The following HSPG2 variants were observed in gnomAD, a reference collection of about 807,000 sequenced individuals.
HSPG2 encodes heparan sulfate proteoglycan 2, also known as basement membrane-specific heparan sulfate proteoglycan core protein.
A neutral mutation model predicts 526.6 loss-of-function variants in HSPG2; 278 were observed. The ratio of observed to expected loss-of-function variants is 0.53; its 90% CI spans 0.48 to 0.58. The LOEUF (loss-of-function observed/expected upper bound fraction) is 0.58, where lower values mean the gene tolerates loss of function less well. HSPG2 is among the 20% of genes least tolerant of loss of function. The probability of loss-of-function intolerance (pLI) is 0.00; values close to 1 mark genes in which losing one functional copy is unlikely to be tolerated. For synonymous variants in HSPG2, 2,465 were observed against 2,555.4 expected, an observed-to-expected ratio of 0.96 and a Z score of 1.07; for missense variants, 5,354 against 6,099.5, an observed-to-expected ratio of 0.88 and a Z score of 4.07.
Position 21,847,728 on chromosome 1 carries a change from T to G in HSPG2, c.7986A>C (p.Thr2662=). 1 of 1,612,420 alleles carries G rather than the reference T, an allele frequency of 6.2e-7. No homozygotes were observed. The change falls in exon 61 of 97, where the codon ACA becomes ACC. Residue 2662 remains threonine, a synonymous_variant. Coordinates refer to ENST00000374695, the MANE Select transcript of HSPG2 (RefSeq NM_005529.7). The surrounding 1 kb of genome is among the most constrained non-coding windows in gnomAD (Gnocchi z 4.1). The part of the protein sequence containing the change: ...VVARQPQAII[T]WYKRGGSLPS... The stretch of plus-strand genomic sequence containing the variant: ...GAAGGCTGCCCCCACGCTTGTACCA[T>G]GTGATGATAGCCTGGGGCTGCCTGG...
At chr1:21,836,043 G>A (rs1390637986) in intron 75 of HSPG2, among the ~76,000 whole-genome samples, 2 of 149,302 alleles carry the variant, frequency 1.3e-5, no homozygotes, top group African/African-American at 2.5e-5. Context: ...AACTGATGTA[G>A]AACAGCACGC....
chr1:21,828,940 C>T lies in HSPG2; in HGVS notation c.12132G>A (p.Gln4044=). The T allele has an allele frequency of 6.4e-7, 1 of 1,573,836 alleles. No individual in the cohort carries two copies. The highest frequency in any genetic ancestry group is 8.6e-7 in the Non-Finnish European group (1 of 1,159,786). Reference sequence around the variant, plus strand: ...AGAGCAGGGTGTGCAGGTTGAGGCCCTGGCTCTTGCCGGGCGAGGAGCGCA... The same window carrying T: ...AGAGCAGGGTGTGCAGGTTGAGGCCTTGGCTCTTGCCGGGCGAGGAGCGCA... ...PVLRSSPGKS[Q]GLNLHTLLYL... The change falls in exon 88 of 97, where the codon CAG becomes CAA. Residue 4044 remains glutamine (Q), a synonymous_variant. Transcript: ENST00000374695. The surrounding 1 kb of genome is among the most constrained non-coding windows in gnomAD (Gnocchi z 6.0).
At chr1:21,934,657 G>A (rs956968958) in intron 1 of HSPG2, among the ~76,000 whole-genome samples, 114 of 151,788 alleles carry the variant, frequency 7.5e-4, no homozygotes, top group Non-Finnish European at 1.2e-3. Flanking sequence ...GTGCAGTGGC[G>A]CGATCTCGGC....
Position 21,887,166 on chromosome 1 carries a change from G to T in HSPG2, c.1078+49C>A, listed in dbSNP as rs1323430090. 2 of 1,467,502 alleles carry T rather than the reference G, an allele frequency of 1.4e-6. No homozygotes were observed. The highest frequency in any genetic ancestry group is 1.9e-6 in the Non-Finnish European group (2 of 1,072,726). 90.9% of individuals were successfully genotyped at this position (1,467,502 alleles called of 1,614,324 possible). The stretch of plus-strand genomic sequence containing the variant: ...GGAGTGGAAGGCGGGGCAGGAGCAA[G>T]CGGCCTGGGCAGGGCAAGGGGGCCT... On this transcript the variant is annotated intron_variant, in intron 9 of 96. Coordinates refer to ENST00000374695, the MANE Select transcript of HSPG2 (RefSeq NM_005529.7). The surrounding 1 kb of genome is among the most constrained non-coding windows in gnomAD (Gnocchi z 5.0).
At position 21,872,723 on chromosome 1, in the gene HSPG2, GGCCGGCAGT is replaced by G. The variant is rs1178564578; in HGVS notation, c.3917_3925del (p.His1306_Arg1308del). On this transcript the variant is annotated inframe_deletion, in exon 32 of 97. Coordinates refer to ENST00000374695, the MANE Select transcript of HSPG2 (RefSeq NM_005529.7). This position sits in a 1 kb window ranked among gnomAD's most constrained non-coding sequence, Gnocchi z 5.5. ...GCTGGCACTCAGGTGGAAGTGGTGG[GGCCGGCAGT>G]GGCTGCAAGTGAGGCCTTCCACCTG... 6.2e-7 allele frequency: 1 copy of G among 1,609,446 alleles called. No individual in the cohort carries two copies. Among genetic ancestry groups the G allele is most frequent in the Non-Finnish European group, 8.5e-7 (1 of 1,178,700 alleles).
At position 21,847,491 on chromosome 1, in the gene HSPG2, G is replaced by A. The variant is rs1202979988; in HGVS notation, c.8027C>T (p.Thr2676Ile). The change falls in exon 62 of 97, where the codon ACC (threonine) becomes ATC (isoleucine). Residue 2676 changes from threonine (T) to isoleucine (I), a missense_variant and splice_region_variant. Coordinates refer to ENST00000374695, the MANE Select transcript of HSPG2 (RefSeq NM_005529.7). The surrounding 1 kb of genome is among the most constrained non-coding windows in gnomAD (Gnocchi z 4.1). ...GTGCAACCGCAGGTGGGAGCCATGG[G>A]TCTGGACGTGCGGATGGGGAAGGAG... The part of the protein sequence containing the change: ...RGGSLPSRHQ[T>I]HGSHLRLHQM... 8 of 1,613,808 alleles carry A rather than the reference G, an allele frequency of 5.0e-6. No homozygotes were observed. Among genetic ancestry groups the A allele is most frequent in the Non-Finnish European group, 6.8e-6 (8 of 1,179,990 alleles).
In HSPG2 at chr1:21,872,512, G is replaced by T; in HGVS notation, c.4029+108C>A. The T allele has an allele frequency of 7.0e-7, 1 of 1,430,966 alleles. No homozygotes were observed. Among genetic ancestry groups the T allele is most frequent in the Non-Finnish European group, 9.6e-7 (1 of 1,039,344 alleles). The allele number at this position is 1,430,966 out of a possible 1,614,324, so 88.6% of individuals were successfully genotyped here. ...ACTGCGAGAGAAATAATGGGGGCAT[G>T]TGAGGGTACTGAGGCGGGGATGAGG... On this transcript the variant is annotated intron_variant, in intron 32 of 96. Coordinates refer to ENST00000374695, the MANE Select transcript of HSPG2 (RefSeq NM_005529.7). This position sits in a 1 kb window ranked among gnomAD's most constrained non-coding sequence, Gnocchi z 5.5.
In HSPG2 at chr1:21,851,542, A is replaced by G; in HGVS notation, c.7158+4T>C. 6.2e-7 allele frequency: 1 copy of G among 1,613,760 alleles called. No individual in the cohort carries two copies. Among genetic ancestry groups the G allele is most frequent in the Non-Finnish European group, 8.5e-7 (1 of 1,180,024 alleles). ...CTTGGCCTGTCTGTCCTCCAGTCCC[A>G]TACCTGGTGCCGGACAGGGAGGCTG... On this transcript the variant is annotated splice_donor_region_variant and intron_variant, in intron 55 of 96. Transcript: ENST00000374695.
In HSPG2 at chr1:21,850,206, G is replaced by A. The variant is rs770531393; in HGVS notation, c.7295-14C>T. On this transcript the variant is annotated splice_polypyrimidine_tract_variant and intron_variant, in intron 56 of 96. Coordinates refer to ENST00000374695, the MANE Select transcript of HSPG2 (RefSeq NM_005529.7). ...TGACCCCAAGTGCTGGGGACAGAGG[G>A]CAAAGGGTCAATAGCCGGCTAGGAG... The A allele has an allele frequency of 1.8e-5, 29 of 1,613,170 alleles. No individual in the cohort carries two copies. In the African/African-American group the frequency reaches 2.7e-4, roughly 15 times the overall value.
At chr1:21,897,194 CA>C (rs1042316651) in intron 1 of HSPG2, among the ~76,000 whole-genome samples, 16 of 152,208 alleles carry the variant, frequency 1.1e-4, no homozygotes, top group African/African-American at 3.6e-4. Context: ...AAAACAAACC[CA>C]GGGGAGCCCA....
chr1:21,884,515 CCCGCCAACGCACCCT>C lies in HSPG2; in HGVS notation c.1652_1654+12del. 6.2e-7 allele frequency: 1 copy of C among 1,611,030 alleles called. No homozygotes were observed. The highest frequency in any genetic ancestry group is 8.5e-7 in the Non-Finnish European group (1 of 1,179,844). On this transcript the variant is annotated splice_donor_variant and splice_donor_5th_base_variant and coding_sequence_variant and intron_variant, in exon 13 of 97. Coordinates refer to ENST00000374695, the MANE Select transcript of HSPG2 (RefSeq NM_005529.7). LOFTEE classifies it high-confidence loss of function. ...TCCCACCTCCCGCAGCGCTCACCCG[CCCGCCAACGCACCCT>C]TGAAGTCATCGGGTTGGTCAAAGCG... is the stretch of plus-strand genomic sequence containing the variant.
At chr1:21,849,532 C>G (rs1388405081) in intron 57 of HSPG2, among the ~76,000 whole-genome samples, 1 of 152,172 alleles carries the variant, frequency 6.6e-6, no homozygotes, top group Non-Finnish European at 1.5e-5. Flanking sequence ...CAATGAATAA[C>G]CTTACAAATG....
intron 1 of HSPG2, among the ~76,000 whole-genome samples, chr1:21,934,884 C>T (rs564085369): frequency 4.4e-4 from 67 of 151,912 alleles, no homozygotes; most frequent in African/African-American, 1.4e-3. Context: ...CGTGTGCCAC[C>T]GCGCCTGGCC....
At chr1:21,867,823 C>T (rs555457207) in intron 33 of HSPG2, among the ~76,000 whole-genome samples, 56 of 152,170 alleles carry the variant, frequency 3.7e-4, no homozygotes, top group African/African-American at 7.5e-4. Flanking sequence ...CTCTGCCTCC[C>T]GGGTTCAAGT....
chr1:21,874,809 G>C (rs1409444809), intron 26 of HSPG2, 80 bp from the exon 27 acceptor site: 1 of 1,501,150 alleles, frequency 6.7e-7, no homozygotes, highest in Non-Finnish European at 9.2e-7. Flanking sequence ...CCAGGGCTGG[G>C]GAGGTGTGGA....
Position 21,872,129 on chromosome 1 carries a change from G to A in HSPG2, c.4221+57C>T, listed in dbSNP as rs923852416. The A allele has an allele frequency of 1.9e-5, 29 of 1,532,150 alleles. No homozygotes were observed. Among genetic ancestry groups the A allele is most frequent in the Admixed American group, 5.9e-5 (3 of 50,970 alleles). 94.9% of individuals were successfully genotyped at this position (1,532,150 alleles called of 1,614,324 possible). A position where few individuals can be genotyped will look rare whatever the true frequency, so the allele number is the denominator to read the frequency against. The stretch of plus-strand genomic sequence containing the variant: ...AGGTGCCTGCCTGCTGAGAGACGGC[G>A]CAGAGGTGAACTCATGTCTGAGTCA... On this transcript the variant is annotated intron_variant, in intron 33 of 96. Coordinates refer to ENST00000374695, the MANE Select transcript of HSPG2 (RefSeq NM_005529.7). This position sits in a 1 kb window ranked among gnomAD's most constrained non-coding sequence, Gnocchi z 5.5.
At chr1:21,903,020 G>A (rs1182713442) in intron 1 of HSPG2, among the ~76,000 whole-genome samples, 2 of 152,162 alleles carry the variant, frequency 1.3e-5, no homozygotes, top group Admixed American at 6.5e-5. Flanking sequence ...ATAAATCTGC[G>A]GACTCACGGA....
rs1284820052 is a variant in HSPG2, at chr1:21,872,398, G to C, written c.4030-21C>G. 1 of 1,550,068 alleles carries C rather than the reference G, an allele frequency of 6.5e-7. No homozygotes were observed. Among genetic ancestry groups the C allele is most frequent in the Non-Finnish European group, 8.7e-7 (1 of 1,145,342 alleles). ...GAGATCTGGCAGGGGAAAAAGGAGGGGGCGTCAGCCTGAGCACCGGGGTGC... is the reference window on the plus strand; with the variant it reads ...GAGATCTGGCAGGGGAAAAAGGAGGCGGCGTCAGCCTGAGCACCGGGGTGC... On this transcript the variant is annotated intron_variant, in intron 32 of 96. Coordinates refer to ENST00000374695, the MANE Select transcript of HSPG2 (RefSeq NM_005529.7). This position sits in a 1 kb window ranked among gnomAD's most constrained non-coding sequence, Gnocchi z 5.5.
intron 23 of HSPG2, 28 bp from the exon 24 acceptor site, chr1:21,876,070 C>T (rs376008835): frequency 6.9e-5 from 111 of 1,612,228 alleles, no homozygotes; most frequent in South Asian, 3.1e-4. Context: ...CAGGAGCTTG[C>T]GGAGGCCTGA....
Sources: allele counts gnomAD v4.1 joint callset (sites outside exome capture counted in the v4.1 genomes callset), GRCh38; gene constraint gnomAD v4.1.1; non-coding constraint Gnocchi (gnomAD v3.1); transcripts MANE v1.5; gene names NCBI Gene and HGNC (gene_info 2026-07-23, HGNC 2026-07-21).